The following FGF13 variants were observed in gnomAD, a reference collection of about 807,000 sequenced individuals.
FGF13 encodes fibroblast growth factor 13.
FGF13 carries 2 observed loss-of-function variants against 19.5 expected under a neutral mutation model. That is an observed-to-expected ratio of 0.10 (90% CI 0.04 to 0.32). The LOEUF is 0.32. Among genes scored for constraint, FGF13 ranks in the 10% least tolerant of loss-of-function variants. The probability of loss-of-function intolerance (pLI) is 1.00; values close to 1 mark genes in which losing one functional copy is unlikely to be tolerated. For missense variants in FGF13, 113 were observed against 192.7 expected, an observed-to-expected ratio of 0.59 and a Z score of 2.45; for synonymous variants, 72 against 76.9, an observed-to-expected ratio of 0.94 and a Z score of 0.33.
chrX:139,204,574 G>GCGCACTGGCAGGCTGCTTTCCCC (rs2084450940), upstream of FGF13, among the ~76,000 whole-genome samples: 1 of 112,917 alleles, frequency 8.9e-6, no homozygotes, highest in African/African-American at 3.2e-5. Context: ...TGGGCTGCCC[G>GCGCACTGGCAGGCTGCTTTCCCC]CGCACTGGCA....
chrX:138,941,130 G>A (rs1172747782), intron 1 of FGF13, among the ~76,000 whole-genome samples: 2 of 111,199 alleles, frequency 1.8e-5, no homozygotes, highest in South Asian at 3.8e-4. Context: ...AAAGCTGGAA[G>A]CATTCCTCTT....
upstream of FGF13, among the ~76,000 whole-genome samples, chrX:138,743,406 GCA>G (rs769241670): frequency 7.2e-5 from 8 of 111,609 alleles, no homozygotes; most frequent in South Asian, 3.0e-3. Context: ...AATTAGAGGA[GCA>G]CAGAGGATTT....
chrX:139,083,018 A>T (rs1287430036), intron 1 of FGF13, among the ~76,000 whole-genome samples: 3 of 110,546 alleles, frequency 2.7e-5, no homozygotes, highest in African/African-American at 9.9e-5. Flanking sequence ...GAAAAACATG[A>T]ATTTCTCACT....
chrX:139,100,108 C>T (rs926231506), intron 1 of FGF13, among the ~76,000 whole-genome samples: 11 of 102,997 alleles, frequency 1.1e-4, no homozygotes, highest in African/African-American at 1.8e-4. Flanking sequence ...GTTCAGTAAC[C>T]GCCAGGGAGG....
At chrX:138,704,638 G>A (rs2089977835) in intron 2 of FGF13, among the ~76,000 whole-genome samples, 1 of 111,971 alleles carries the variant, frequency 8.9e-6, no homozygotes, top group Non-Finnish European at 1.9e-5. Flanking sequence ...AATATTCCTT[G>A]GTGAGCCTAC....
At chrX:138,954,084 T>C (rs930141483) in intron 1 of FGF13, among the ~76,000 whole-genome samples, 1 of 77,930 alleles carries the variant, frequency 1.3e-5, no homozygotes, top group Middle Eastern at 6.0e-3. Flanking sequence ...TTTCATAGTA[T>C]GTAAATTTAA....
At position 138,632,494 on chromosome X, in the gene FGF13, T is replaced by C. The variant is rs1443699965; in HGVS notation, c.*356A>G. On this transcript the variant is annotated 3_prime_UTR_variant, in exon 5 of 5. Transcript: ENST00000315930. ...TTTGTTTGTTTTTGAAGAACAATTG[T>C]GGTCTTTTACATTTTCTTGGTGGGA... The C allele has an allele frequency of 8.2e-6, 1 of 121,729 alleles. No homozygotes were observed. Among genetic ancestry groups the C allele is most frequent in the Non-Finnish European group, 1.7e-5 (1 of 59,710 alleles). The allele number at this position is 121,729 out of a possible 1,213,427, so 10.0% of individuals were successfully genotyped here.
chrX:139,021,922 G>A (rs2124384037), intron 1 of FGF13, among the ~76,000 whole-genome samples: 1 of 111,832 alleles, frequency 8.9e-6, no homozygotes, highest in South Asian at 3.7e-4. Flanking sequence ...ACATTCGATC[G>A]GACTAGATGA....
intron 1 of FGF13, among the ~76,000 whole-genome samples, chrX:139,015,641 A>T (rs2092149944): frequency 9.0e-6 from 1 of 111,590 alleles, no homozygotes; most frequent in Admixed American, 9.5e-5. Context: ...TACCCAAAGC[A>T]ATCTACAGAC....
At chrX:138,863,221 T>C (rs771845228) in intron 2 of FGF13, among the ~76,000 whole-genome samples, 6 of 111,645 alleles carry the variant, frequency 5.4e-5, no homozygotes, top group Non-Finnish European at 3.8e-5. Context: ...TGGCTTTCCC[T>C]ACAAGAATAT....
intron 1 of FGF13, among the ~76,000 whole-genome samples, chrX:138,998,691 C>A (rs1474815096): frequency 9.0e-6 from 1 of 111,334 alleles, no homozygotes; most frequent in Non-Finnish European, 1.9e-5. Context: ...AAGGCAAATC[C>A]TTAGAGACCT....
At chrX:138,799,236 T>TA (rs1248985883) in intron 3 of FGF13, among the ~76,000 whole-genome samples, 7 of 112,020 alleles carry the variant, frequency 6.2e-5, no homozygotes. Flanking sequence ...TTTAGCTGTG[T>TA]CCCAGAGATT....
intron 3 of FGF13, among the ~76,000 whole-genome samples, chrX:138,756,270 G>A (rs1182135942): frequency 1.8e-5 from 2 of 112,754 alleles, no homozygotes; most frequent in Admixed American, 9.3e-5. Flanking sequence ...AGAGAAGGCA[G>A]CTGGCAGTCA....
At chrX:138,699,071 C>G (rs935594341) in intron 3 of FGF13, among the ~76,000 whole-genome samples, 4 of 111,662 alleles carry the variant, frequency 3.6e-5, no homozygotes, top group African/African-American at 1.3e-4. Context: ...TGTGGTTACC[C>G]CCATACCTTT....
rs758165795 is a variant in FGF13 at position 138,801,453 on chromosome X, G to C, written c.217+56059C>G. On this transcript the variant is annotated intron_variant, in intron 3 of 6. Transcript: ENST00000436198. Reference sequence around the variant, plus strand: ...AGATTGCTGCCTGCTCCTTCCTCTGGAAGTTTCACCCCAGAGGGGCACCCG... The same window carrying C: ...AGATTGCTGCCTGCTCCTTCCTCTGCAAGTTTCACCCCAGAGGGGCACCCG... 9.8e-5 allele frequency among the ~76,000 whole-genome samples: 11 copies of C among 111,775 alleles called. No homozygotes were observed. The East Asian group carries it at 3.2e-3, about 32-fold the overall frequency.
At chrX:138,701,292 G>C in intron 3 of FGF13, among the ~76,000 whole-genome samples, 1 of 111,792 alleles carries the variant, frequency 8.9e-6, no homozygotes. Context: ...AATATTTTCA[G>C]AAAGCGTCTA....
At chrX:139,012,037 T>C (rs764632663) in intron 1 of FGF13, among the ~76,000 whole-genome samples, 6 of 111,519 alleles carry the variant, frequency 5.4e-5, no homozygotes, top group Non-Finnish European at 9.4e-5. Flanking sequence ...AGCTCTGCTA[T>C]ACAGCAACAG....
intron 1 of FGF13, among the ~76,000 whole-genome samples, chrX:139,172,655 G>A (rs1352180097): frequency 9.0e-6 from 1 of 111,684 alleles, no homozygotes; most frequent in African/African-American, 3.3e-5. Flanking sequence ...GGACAGTTTA[G>A]GTAGTATTTC....
chrX:139,025,570 T>C (rs1656540310), intron 1 of FGF13, among the ~76,000 whole-genome samples: 1 of 111,775 alleles, frequency 8.9e-6, no homozygotes, highest in South Asian at 3.7e-4. Context: ...TTCTGTGGCA[T>C]TGGTCTTCAA....
Sources: gnomAD v4.1 joint callset for allele counts (sites outside exome capture counted in the v4.1 genomes callset) on GRCh38, gnomAD v4.1.1 for gene constraint, MANE v1.5 for transcripts, NCBI Gene and HGNC (gene_info 2026-07-23, HGNC 2026-07-21) for gene names.